Variants in PXDNL observed in about 807,000 individuals in gnomAD.
PXDNL encodes probable oxidoreductase PXDNL.
PXDNL carries 145 observed loss-of-function variants against 150.8 expected under a neutral mutation model. The ratio of observed to expected loss-of-function variants is 0.96; its 90% CI spans 0.84 to 1.10. The LOEUF is 1.10. PXDNL is among the 50% of genes least tolerant of loss of function. The pLI is 0.00. For synonymous variants in PXDNL, 757 were observed against 725.7 expected (o/e 1.04, Z -0.69); for missense variants, 2,087 against 1,873.9 (o/e 1.11, Z -2.10).
intron 19 of PXDNL, among the ~76,000 whole-genome samples, chr8:51,366,588 T>A (rs1432087436): frequency 6.6e-6 from 1 of 151,660 alleles, no homozygotes; most frequent in Non-Finnish European, 1.5e-5. Flanking sequence ...TATTTATGTA[T>A]ATAATGCATA....
intron 3 of PXDNL, among the ~76,000 whole-genome samples, chr8:51,571,086 TC>T (rs900418025): frequency 4.0e-5 from 6 of 149,904 alleles, no homozygotes; most frequent in African/African-American, 1.5e-4. Context: ...TTATATCAGT[TC>T]TTTTTTTTTG....
At chr8:51,469,157 A>G (rs117084412) in intron 8 of PXDNL, among the ~76,000 whole-genome samples, 2 of 152,156 alleles carry the variant, frequency 1.3e-5, no homozygotes, top group Non-Finnish European at 2.9e-5. Context: ...ATTTTTCCTT[A>G]ACACTCTAAA....
At chr8:51,564,643 A>C (rs1370186807) in intron 3 of PXDNL, among the ~76,000 whole-genome samples, 1 of 151,780 alleles carries the variant, frequency 6.6e-6, no homozygotes, top group Non-Finnish European at 1.5e-5. Flanking sequence ...TGACAGAGAC[A>C]CAACATAATG....
At chr8:51,455,864 C>T (rs1809928118) in intron 9 of PXDNL, among the ~76,000 whole-genome samples, 3 of 152,162 alleles carry the variant, frequency 2.0e-5, no homozygotes, top group Admixed American at 2.0e-4. Flanking sequence ...TGCACTCCAG[C>T]CTGGGTGACA....
At chr8:51,796,875 A>G (rs1272186580) in intron 1 of PXDNL, among the ~76,000 whole-genome samples, 1 of 152,256 alleles carries the variant, frequency 6.6e-6, no homozygotes, top group East Asian at 1.9e-4. Flanking sequence ...CAACAAAAAA[A>G]GAGAACTTCA....
intron 8 of PXDNL, among the ~76,000 whole-genome samples, chr8:51,466,081 C>A (rs1810199006): frequency 1.3e-5 from 2 of 151,598 alleles, no homozygotes; most frequent in Admixed American, 6.6e-5. Flanking sequence ...AGAAAAAGAG[C>A]CTGAGTAGCC....
At chr8:51,676,853 A>G (rs1815635532) in intron 1 of PXDNL, among the ~76,000 whole-genome samples, 1 of 152,234 alleles carries the variant, frequency 6.6e-6, no homozygotes, top group Non-Finnish European at 1.5e-5. Flanking sequence ...GAAAAAGAAG[A>G]AGATCAATAA....
At chr8:51,415,174 T>C (rs1808762741) in intron 14 of PXDNL, among the ~76,000 whole-genome samples, 1 of 152,066 alleles carries the variant, frequency 6.6e-6, no homozygotes, top group Admixed American at 6.6e-5. Flanking sequence ...TCCACAAGGG[T>C]ATGTATGAGA....
intron 21 of PXDNL, among the ~76,000 whole-genome samples, chr8:51,331,860 A>T: frequency 6.6e-6 from 1 of 152,166 alleles, no homozygotes; most frequent in South Asian, 2.1e-4. Context: ...GTCTAAGCTC[A>T]CACACGCCTA....
At chr8:51,451,968 C>T (rs755282095) in intron 10 of PXDNL, among the ~76,000 whole-genome samples, 32 of 152,076 alleles carry the variant, frequency 2.1e-4, no homozygotes, top group Non-Finnish European at 3.7e-4. Flanking sequence ...TCAGTGCAAA[C>T]TCACTGGCAA....
chr8:51,451,750 G>A (rs543937007), intron 10 of PXDNL, among the ~76,000 whole-genome samples: 2 of 152,244 alleles, frequency 1.3e-5, no homozygotes, highest in African/African-American at 4.8e-5. Context: ...AAAAGATCAA[G>A]AACATGGATA....
chr8:51,722,826 G>A (rs7830013), intron 1 of PXDNL, among the ~76,000 whole-genome samples: 35,093 of 151,854 alleles, frequency 0.23, 4,457 homozygotes, highest in African/African-American at 0.34. Flanking sequence ...CCAAAAGGCA[G>A]TATTTTTTTT....
intron 17 of PXDNL, 96 bp downstream of exon 17, chr8:51,407,971 C>A: frequency 2.9e-6 from 3 of 1,027,776 alleles, no homozygotes; most frequent in Non-Finnish European, 4.2e-6. Context: ...CTCTGCAGCA[C>A]CCCCAGGGAA....
intron 12 of PXDNL, among the ~76,000 whole-genome samples, chr8:51,437,428 A>G (rs1013809315): frequency 2.6e-5 from 4 of 152,226 alleles, no homozygotes; most frequent in Admixed American, 2.6e-4. Context: ...ATATAGATGC[A>G]AAAATCCTTA....
intron 1 of PXDNL, among the ~76,000 whole-genome samples, chr8:51,782,940 T>C (rs2037428590): frequency 2.0e-5 from 3 of 152,210 alleles, no homozygotes; most frequent in African/African-American, 7.2e-5. Context: ...GATTTTAATA[T>C]TAATAAAGCA....
At chr8:51,504,358 A>G (rs567945512) in intron 4 of PXDNL, among the ~76,000 whole-genome samples, 3 of 152,106 alleles carry the variant, frequency 2.0e-5, no homozygotes, top group Admixed American at 2.0e-4. Context: ...TATCCCCTTT[A>G]TCCCCTTCTT....
At chr8:51,392,069 A>G (rs556361325) in intron 17 of PXDNL, among the ~76,000 whole-genome samples, 6 of 152,158 alleles carry the variant, frequency 3.9e-5, no homozygotes, top group East Asian at 3.9e-4. Flanking sequence ...CGTTATTTCT[A>G]AGGGCTCTGT....
At chr8:51,613,021 T>C (rs1015491153) in intron 2 of PXDNL, among the ~76,000 whole-genome samples, 1 of 152,256 alleles carries the variant, frequency 6.6e-6, no homozygotes, top group Middle Eastern at 3.4e-3. Flanking sequence ...ACTGCTGCGA[T>C]GTAAGGCAGA....
At chr8:51,536,152 G>T (rs190665126) in intron 4 of PXDNL, among the ~76,000 whole-genome samples, 65 of 152,318 alleles carry the variant, frequency 4.3e-4, no homozygotes, top group African/African-American at 1.6e-3. Flanking sequence ...TGAGTACCAA[G>T]TTCTATCTTA....
Sources: allele counts gnomAD v4.1 joint callset (sites outside exome capture counted in the v4.1 genomes callset), GRCh38; gene constraint gnomAD v4.1.1; transcripts MANE v1.5; gene names NCBI Gene and HGNC (gene_info 2026-07-23, HGNC 2026-07-21).